The following SLC7A2 variants were observed in gnomAD, a reference collection of about 807,000 sequenced individuals.
SLC7A2 encodes solute carrier family 7 member 2, also known as cationic amino acid transporter 2.
SLC7A2 carries 48 observed loss-of-function variants against 58.9 expected under a neutral mutation model. The observed-to-expected ratio is 0.82, with a 90% confidence interval of 0.65 to 1.04. The LOEUF is 1.04. Among genes scored for constraint, SLC7A2 ranks in the 50% least tolerant of loss-of-function variants. SLC7A2 has a pLI of 0.00. For missense variants in SLC7A2, 1,029 were observed against 818.8 expected, an observed-to-expected ratio of 1.26 and a Z score of -3.13; for synonymous variants, 363 against 314.5, an observed-to-expected ratio of 1.15 and a Z score of -1.63.
intron 2 of SLC7A2, among the ~76,000 whole-genome samples, chr8:17,517,637 T>C (rs931038500): frequency 2.6e-5 from 4 of 152,052 alleles, no homozygotes; most frequent in African/African-American, 9.7e-5. Context: ...TTCTTAAACA[T>C]TGATTTTCCC....
chr8:17,524,435 C>T (rs1366671436), intron 2 of SLC7A2, among the ~76,000 whole-genome samples: 4 of 151,650 alleles, frequency 2.6e-5, no homozygotes, highest in African/African-American at 7.3e-5. Context: ...CACACACACA[C>T]ACACACACAC....
chr8:17,496,861 G>C (rs1271278040), upstream of SLC7A2, among the ~76,000 whole-genome samples: 2 of 151,794 alleles, frequency 1.3e-5, no homozygotes, highest in African/African-American at 2.4e-5. Flanking sequence ...CGCGCCCACC[G>C]GCCTAGCCCG....
chr8:17,500,695 A>T (rs1490136155), intron 1 of SLC7A2: 3 of 152,192 alleles, frequency 2.0e-5, no homozygotes, highest in Non-Finnish European at 4.4e-5. Context: ...AAGCTGAGGC[A>T]GGAGAATTGC....
At chr8:17,520,202 A>C (rs1388318262) in intron 2 of SLC7A2, among the ~76,000 whole-genome samples, 1 of 152,174 alleles carries the variant, frequency 6.6e-6, no homozygotes, top group Non-Finnish European at 1.5e-5. Flanking sequence ...AGAATTATTA[A>C]AGGGAGAAAC....
chr8:17,499,807 A>G (rs1343134479), intron 1 of SLC7A2, among the ~76,000 whole-genome samples: 9 of 152,170 alleles, frequency 5.9e-5, no homozygotes, highest in Admixed American at 5.2e-4. Flanking sequence ...TAATCTGGAT[A>G]TTAAAAACCA....
At chr8:17,552,075 T>A in intron 7 of SLC7A2, 89 bp downstream of exon 7, 1 of 929,218 alleles carries the variant, frequency 1.1e-6, no homozygotes, top group Non-Finnish European at 1.7e-6. Flanking sequence ...GTTTAAAAAG[T>A]ATCCTAATAG....
rs1158574163 is a variant in SLC7A2, at chr8:17,570,402, A to C, written c.*5256A>C. On this transcript the variant is annotated 3_prime_UTR_variant, in exon 13 of 13. Transcript: ENST00000494857. ...TGTGAATGTACAGGGTTTTTTTAGT[A>C]GTAATTTTAAATTTAAATGTTTTAA... The C allele has an allele frequency of 2.6e-5, 4 of 152,634 alleles. No individual in the cohort carries two copies. Among genetic ancestry groups the C allele is most frequent in the Admixed American group, 6.5e-5 (1 of 15,280 alleles). The allele number at this position is 152,634 out of a possible 1,614,324, so 9.5% of individuals were successfully genotyped here.
At chr8:17,494,947 T>G (rs75447967), upstream of SLC7A2, among the ~76,000 whole-genome samples, 2 of 152,234 alleles carry the variant, frequency 1.3e-5, no homozygotes, top group African/African-American at 4.8e-5. Context: ...GGCGGGCAGA[T>G]TGGATAAATT....
chr8:17,531,164 T>C (rs548754769), intron 2 of SLC7A2, among the ~76,000 whole-genome samples: 95 of 152,242 alleles, frequency 6.2e-4, no homozygotes, highest in African/African-American at 2.3e-3. Context: ...TGCATCTTAG[T>C]GCTGAAAGAC....
intron 2 of SLC7A2, among the ~76,000 whole-genome samples, chr8:17,517,489 T>A (rs1465468656): frequency 1.3e-5 from 2 of 152,116 alleles, no homozygotes; most frequent in African/African-American, 2.4e-5. Context: ...GCCGTGAAAA[T>A]CTTCAGCTGC....
chr8:17,548,479 G>A (rs1387571114), intron 4 of SLC7A2, among the ~76,000 whole-genome samples, 199 bp from the exon 5 acceptor site: 2 of 152,122 alleles, frequency 1.3e-5, no homozygotes, highest in African/African-American at 2.4e-5. Context: ...ACCTGCCTCC[G>A]AAATTGAGTT....
intron 2 of SLC7A2, among the ~76,000 whole-genome samples, chr8:17,514,907 C>T (rs1228607006): frequency 1.3e-5 from 2 of 152,094 alleles, no homozygotes; most frequent in African/African-American, 2.4e-5. Context: ...GTATTTGATA[C>T]TGTTATTGTC....
At chr8:17,530,240 C>T (rs529407447) in intron 2 of SLC7A2, among the ~76,000 whole-genome samples, 7 of 152,176 alleles carry the variant, frequency 4.6e-5, no homozygotes, top group Admixed American at 4.6e-4. Flanking sequence ...CAGGAGCTGA[C>T]AGAGAGGATA....
intron 9 of SLC7A2, among the ~76,000 whole-genome samples, chr8:17,559,428 T>C (rs1802856892): frequency 1.3e-5 from 2 of 152,110 alleles, no homozygotes; most frequent in Admixed American, 1.3e-4. Flanking sequence ...CCTTAGGGCA[T>C]GGTGGTGGGC....
intron 2 of SLC7A2, among the ~76,000 whole-genome samples, chr8:17,541,049 C>T (rs929070460): frequency 6.6e-6 from 1 of 152,102 alleles, no homozygotes. Context: ...GTCTCATTTT[C>T]AAGTGATCTT....
chr8:17,553,818 C>CT (rs1802562891), intron 7 of SLC7A2, among the ~76,000 whole-genome samples: 1 of 152,122 alleles, frequency 6.6e-6, no homozygotes. Context: ...AAATAAAATA[C>CT]TTTTTTTGTT....
At chr8:17,540,832 A>G (rs1801879987) in intron 2 of SLC7A2, among the ~76,000 whole-genome samples, 1 of 152,196 alleles carries the variant, frequency 6.6e-6, no homozygotes, top group African/African-American at 2.4e-5. Flanking sequence ...AAGTTTACCC[A>G]CAATCCTATT....
At chr8:17,513,594 G>T (rs530780647) in intron 2 of SLC7A2, among the ~76,000 whole-genome samples, 7 of 152,094 alleles carry the variant, frequency 4.6e-5, no homozygotes, top group African/African-American at 1.7e-4. Context: ...TATCACTGTT[G>T]TGGTTCTCAG....
chr8:17,532,654 A>C (rs1256604581), intron 2 of SLC7A2, among the ~76,000 whole-genome samples: 1 of 152,172 alleles, frequency 6.6e-6, no homozygotes, highest in Non-Finnish European at 1.5e-5. Context: ...AATTGGAGAA[A>C]TTGTTCACAT....
Sources: allele counts gnomAD v4.1 joint callset (sites outside exome capture counted in the v4.1 genomes callset), GRCh38; gene constraint gnomAD v4.1.1; transcripts MANE v1.5; gene names NCBI Gene and HGNC (gene_info 2026-07-23, HGNC 2026-07-21).